Variants in PTPRR observed in about 807,000 individuals in gnomAD.
PTPRR encodes protein tyrosine phosphatase receptor type R.
PTPRR carries 38 observed loss-of-function variants against 77.2 expected under a neutral mutation model. The observed-to-expected ratio is 0.49, with a 90% CI of 0.38 to 0.65. The LOEUF (loss-of-function observed/expected upper bound fraction) is 0.65. Ranked by LOEUF, PTPRR falls within the 30% of genes least tolerant of loss-of-function variation. The pLI, the probability that PTPRR is intolerant of heterozygous loss-of-function variation, is 0.00. For missense variants in PTPRR, 744 were observed against 799.2 expected, an observed-to-expected ratio of 0.93 and a Z score of 0.83; for synonymous variants, 299 against 283.1, an observed-to-expected ratio of 1.06 and a Z score of -0.57.
intron 9 of PTPRR, 29 bp downstream of exon 9, chr12:70,684,675 C>A: frequency 1.4e-6 from 2 of 1,439,816 alleles, no homozygotes; most frequent in South Asian, 1.2e-5. Context: ...AGGAAGTCAC[C>A]AGAAAGAAAT....
At chr12:70,818,387 A>T (rs1321675255) in intron 2 of PTPRR, among the ~76,000 whole-genome samples, 1 of 152,198 alleles carries the variant, frequency 6.6e-6, no homozygotes, top group South Asian at 2.1e-4. Flanking sequence ...GATAACATCA[A>T]TGTAAAACAT....
At chr12:70,876,173 T>C (rs1893049078) in intron 2 of PTPRR, among the ~76,000 whole-genome samples, 3 of 152,066 alleles carry the variant, frequency 2.0e-5, no homozygotes, top group African/African-American at 7.3e-5. Flanking sequence ...CCAATTGACA[T>C]ATATATGTAA....
intron 2 of PTPRR, among the ~76,000 whole-genome samples, chr12:70,846,469 G>A (rs576784625): frequency 1.3e-5 from 2 of 152,246 alleles, no homozygotes; most frequent in African/African-American, 2.4e-5. Context: ...TATTAGTTAC[G>A]AAGAAGAAAG....
intron 13 of PTPRR, among the ~76,000 whole-genome samples, chr12:70,652,273 A>G (rs1157315584): frequency 6.6e-6 from 1 of 152,208 alleles, no homozygotes; most frequent in Non-Finnish European, 1.5e-5. Context: ...GATAGGAAAA[A>G]GCTGAAGGAC....
intron 2 of PTPRR, among the ~76,000 whole-genome samples, chr12:70,802,943 C>T (rs1891642634): frequency 6.6e-6 from 1 of 152,048 alleles, no homozygotes; most frequent in Non-Finnish European, 1.5e-5. Flanking sequence ...TCAAATTTAC[C>T]TACTTTAACT....
intron 8 of PTPRR, among the ~76,000 whole-genome samples, chr12:70,695,565 A>G (rs1888202275): frequency 6.6e-6 from 1 of 152,200 alleles, no homozygotes; most frequent in Non-Finnish European, 1.5e-5. Context: ...ACACAGGACT[A>G]TGAAGCAGTT....
chr12:70,912,328 A>C (rs1030465270), intron 1 of PTPRR, among the ~76,000 whole-genome samples: 1 of 152,142 alleles, frequency 6.6e-6, no homozygotes, highest in Non-Finnish European at 1.5e-5. Context: ...TGCTCTGTAC[A>C]TATTGCTGTA....
intron 2 of PTPRR, among the ~76,000 whole-genome samples, chr12:70,846,873 T>C (rs971228330): frequency 6.6e-6 from 1 of 152,134 alleles, no homozygotes; most frequent in African/African-American, 2.4e-5. Flanking sequence ...GCATCTGTCT[T>C]TCCTCAATCT....
intron 12 of PTPRR, among the ~76,000 whole-genome samples, chr12:70,659,830 G>C (rs1404062233): frequency 6.6e-6 from 1 of 152,014 alleles, no homozygotes; most frequent in African/African-American, 2.4e-5. Flanking sequence ...TGACTTAAGA[G>C]ACCTATGCGG....
intron 2 of PTPRR, among the ~76,000 whole-genome samples, chr12:70,834,808 A>G (rs77142360): frequency 1.9e-4 from 29 of 152,258 alleles, no homozygotes; most frequent in Non-Finnish European, 3.7e-4. Flanking sequence ...TTCTACAGAT[A>G]AGGCATCCTG....
rs181254154 is a variant in PTPRR at position 70,784,668 on chromosome 12, A to G, written c.358-19890T>C. Among the ~76,000 whole-genome samples, 192 of 152,392 alleles carry G rather than the reference A, an allele frequency of 1.3e-3. 2 individuals carry two copies. Among genetic ancestry groups the G allele is most frequent in the Middle Eastern group, 0.01 (3 of 294 alleles). ...CATCACTATTAGCTATAAAACAGCT[A>G]GAAGTGGCAGATAAAAAGTAACAGT... On this transcript the variant is annotated intron_variant, in intron 2 of 13. Transcript: ENST00000283228.
At chr12:70,806,005 T>C (rs1333406317) in intron 2 of PTPRR, among the ~76,000 whole-genome samples, 1 of 152,238 alleles carries the variant, frequency 6.6e-6, no homozygotes, top group East Asian at 1.9e-4. Flanking sequence ...ATGTAATATA[T>C]AGACCTTTAA....
chr12:70,776,651 C>T (rs912883759), intron 2 of PTPRR, among the ~76,000 whole-genome samples: 1 of 152,040 alleles, frequency 6.6e-6, no homozygotes, highest in Non-Finnish European at 1.5e-5. Flanking sequence ...TAGCGCACAC[C>T]GGGATCAGTG....
chr12:70,771,540 CTAAAA>C (rs1320083391), intron 2 of PTPRR, among the ~76,000 whole-genome samples: 4 of 152,024 alleles, frequency 2.6e-5, no homozygotes, highest in African/African-American at 9.7e-5. Flanking sequence ...CCCCCTGAAT[CTAAAA>C]TAAAAGTTGA....
rs181209915 is a variant in PTPRR, at chr12:70,906,511, T to C, written c.59-13534A>G. Among the ~76,000 whole-genome samples, 115 of 152,070 alleles carry C rather than the reference T, an allele frequency of 7.6e-4. 1 individual carries two copies. The highest frequency in any genetic ancestry group is 5.2e-3 in the Admixed American group (79 of 15,248). On this transcript the variant is annotated intron_variant, in intron 1 of 13. Coordinates refer to ENST00000283228, the MANE Select transcript of PTPRR (RefSeq NM_002849.4). ...TAACAAGAGATAACCAGAATACTAA[T>C]CTCCAGTTAAAAGTGTCAACAGTAA...
intron 1 of PTPRR, among the ~76,000 whole-genome samples, chr12:70,919,948 A>G (rs1893831463): frequency 6.6e-6 from 1 of 151,994 alleles, no homozygotes; most frequent in Non-Finnish European, 1.5e-5. Flanking sequence ...TGAATGTAGT[A>G]GCCGCTGCAG....
intron 10 of PTPRR, chr12:70,672,484 A>G (rs1421380189): frequency 3.8e-5 from 44 of 1,159,540 alleles, no homozygotes; most frequent in Non-Finnish European, 5.2e-5. Context: ...TGCGGCTCAT[A>G]ACGTGAGTGC....
chr12:70,778,135 A>C, intron 2 of PTPRR, among the ~76,000 whole-genome samples: 1 of 152,146 alleles, frequency 6.6e-6, no homozygotes, highest in African/African-American at 2.4e-5. Flanking sequence ...GTTTGTGAAT[A>C]TATTTGTGGT....
chr12:70,649,052 A>G (rs1004303733), intron 13 of PTPRR, among the ~76,000 whole-genome samples: 1 of 152,210 alleles, frequency 6.6e-6, no homozygotes, highest in Non-Finnish European at 1.5e-5. Context: ...TGGTTTTGTC[A>G]TTGTTATACT....
Sources: gnomAD v4.1 joint callset for allele counts (sites outside exome capture counted in the v4.1 genomes callset) on GRCh38, gnomAD v4.1.1 for gene constraint, MANE v1.5 for transcripts, NCBI Gene and HGNC (gene_info 2026-07-23, HGNC 2026-07-21) for gene names.